UBL3: variants seen among roughly 807,000 people sequenced by gnomAD.
UBL3 encodes ubiquitin like 3.
UBL3 carries 6 observed loss-of-function variants against 18.4 expected under a neutral mutation model. That is an observed-to-expected ratio of 0.33 (90% CI 0.18 to 0.64). UBL3 has a LOEUF of 0.64. Ranked by LOEUF, UBL3 falls within the 30% of genes least tolerant of loss-of-function variation. The pLI is 0.76. For missense variants in UBL3, 109 were observed against 142.9 expected (o/e 0.76, Z 1.21); for synonymous variants, 49 against 46.6 (o/e 1.05, Z -0.21).
chr13:29,842,373 G>A (rs750930402), intron 1 of UBL3, among the ~76,000 whole-genome samples: 2 of 151,974 alleles, frequency 1.3e-5, no homozygotes, highest in Non-Finnish European at 2.9e-5. Flanking sequence ...TGGTCAGGGT[G>A]GTCTCGAACT....
chr13:29,778,657 T>C (rs529855837), intron 1 of UBL3, among the ~76,000 whole-genome samples: 1 of 152,310 alleles, frequency 6.6e-6, no homozygotes, highest in South Asian at 2.1e-4. Context: ...GAGTCTACAA[T>C]GAATAAATTG....
chr13:29,830,010 T>C (rs2139357811), intron 1 of UBL3, among the ~76,000 whole-genome samples: 1 of 152,350 alleles, frequency 6.6e-6, no homozygotes, highest in South Asian at 2.1e-4. Context: ...AATAATCTGA[T>C]GTGCCTATTC....
chr13:29,785,140 A>G (rs904085439), intron 1 of UBL3, among the ~76,000 whole-genome samples: 6 of 152,184 alleles, frequency 3.9e-5, no homozygotes, highest in African/African-American at 1.4e-4. Flanking sequence ...TCCTGACCTC[A>G]GGTGATCCAC....
intron 1 of UBL3, among the ~76,000 whole-genome samples, chr13:29,798,640 G>A (rs1593660249): frequency 1.3e-5 from 2 of 152,122 alleles, no homozygotes; most frequent in South Asian, 4.1e-4. Flanking sequence ...TATGAATAGA[G>A]TAGTCTGAAT....
chr13:29,811,003 G>A (rs924418363), intron 1 of UBL3, among the ~76,000 whole-genome samples: 1 of 152,076 alleles, frequency 6.6e-6, no homozygotes, highest in African/African-American at 2.4e-5. Flanking sequence ...GGTGGTACAG[G>A]TTAAAGTACC....
chr13:29,785,130 T>G (rs1877277363), intron 1 of UBL3, among the ~76,000 whole-genome samples: 1 of 152,174 alleles, frequency 6.6e-6, no homozygotes, highest in African/African-American at 2.4e-5. Context: ...GGTCTTGAAC[T>G]CCTGACCTCA....
In UBL3 at chr13:29,772,100, G is replaced by A. The variant is rs763523155; in HGVS notation, c.223+12C>T. 16 of 1,604,508 alleles carry A rather than the reference G, an allele frequency of 1.0e-5. No individual in the cohort carries two copies. Among genetic ancestry groups the A allele is most frequent in the East Asian group, 2.2e-5 (1 of 44,626 alleles). On this transcript the variant is annotated intron_variant, in intron 3 of 4. Transcript: ENST00000380680. ...GACAGACATTAAATCCCATTACAAA[G>A]GTGGCTGTTACCTCCTAATGTGACA...
At chr13:29,802,085 T>C (rs1877786119) in intron 1 of UBL3, among the ~76,000 whole-genome samples, 1 of 152,148 alleles carries the variant, frequency 6.6e-6, no homozygotes, top group South Asian at 2.1e-4. Context: ...ACAGCTGCAG[T>C]GGTGAGGAAA....
intron 1 of UBL3, among the ~76,000 whole-genome samples, chr13:29,826,682 C>A (rs142445022): frequency 0.014 from 2,131 of 152,250 alleles, 43 homozygotes; most frequent in African/African-American, 0.049. Flanking sequence ...GTCTCTATCT[C>A]CTTCAGTTCT....
chr13:29,823,389 C>T (rs765152132), intron 1 of UBL3, among the ~76,000 whole-genome samples: 4 of 152,194 alleles, frequency 2.6e-5, no homozygotes, highest in Non-Finnish European at 5.9e-5. Context: ...GATCCGCCCG[C>T]CTTCGGCCTC....
At chr13:29,823,194 G>A (rs1482074927) in intron 1 of UBL3, among the ~76,000 whole-genome samples, 1 of 152,096 alleles carries the variant, frequency 6.6e-6, no homozygotes, top group African/African-American at 2.4e-5. Context: ...CCAGGCTGGA[G>A]TGCAATGGTG....
At chr13:29,778,922 G>A (rs1014047183) in intron 1 of UBL3, among the ~76,000 whole-genome samples, 1 of 152,124 alleles carries the variant, frequency 6.6e-6, no homozygotes, top group African/African-American at 2.4e-5. Context: ...AAGTTTTTTA[G>A]AAGATAAAAG....
intron 2 of UBL3, among the ~76,000 whole-genome samples, chr13:29,776,903 T>A (rs1426335937): frequency 7.7e-6 from 1 of 130,420 alleles, no homozygotes; most frequent in Admixed American, 7.7e-5. Context: ...AAAAAAAAAT[T>A]TTTTTCACTT....
chr13:29,804,078 A>G (rs1877840843), intron 1 of UBL3, among the ~76,000 whole-genome samples: 1 of 151,544 alleles, frequency 6.6e-6, no homozygotes, highest in African/African-American at 2.4e-5. Context: ...GACAATCCTC[A>G]GCTAAATAAA....
At chr13:29,775,948 G>C (rs2139310488) in intron 2 of UBL3, among the ~76,000 whole-genome samples, 1 of 151,952 alleles carries the variant, frequency 6.6e-6, no homozygotes. Flanking sequence ...AAAAATCAAA[G>C]AAAATAAGAA....
At chr13:29,787,037 T>C (rs1257500503) in intron 1 of UBL3, among the ~76,000 whole-genome samples, 1 of 152,224 alleles carries the variant, frequency 6.6e-6, no homozygotes, top group Non-Finnish European at 1.5e-5. Flanking sequence ...AATTTTTGAA[T>C]TATAGAAACC....
chr13:29,807,666 T>A (rs937444599), intron 1 of UBL3, among the ~76,000 whole-genome samples: 1 of 152,144 alleles, frequency 6.6e-6, no homozygotes, highest in Admixed American at 6.6e-5. Flanking sequence ...GTAGTCTTAA[T>A]AGCATCACTG....
chr13:29,793,197 G>A (rs1877525930), intron 1 of UBL3, among the ~76,000 whole-genome samples: 1 of 152,078 alleles, frequency 6.6e-6, no homozygotes, highest in Admixed American at 6.5e-5. Flanking sequence ...CTAAGGAAAA[G>A]AACAGATAAA....
At chr13:29,801,831 C>T (rs1353027679) in intron 1 of UBL3, among the ~76,000 whole-genome samples, 2 of 152,160 alleles carry the variant, frequency 1.3e-5, no homozygotes, top group African/African-American at 4.8e-5. Flanking sequence ...CACCCCAGGC[C>T]GAACACACTG....
Sources: allele counts gnomAD v4.1 joint callset (sites outside exome capture counted in the v4.1 genomes callset), GRCh38; gene constraint gnomAD v4.1.1; transcripts MANE v1.5; gene names NCBI Gene and HGNC (gene_info 2026-07-23, HGNC 2026-07-21).